HDAC8: variants seen among roughly 807,000 people sequenced by gnomAD.
The protein encoded by HDAC8 is histone deacetylase 8.
A neutral mutation model predicts 32.2 loss-of-function variants in HDAC8; 1 was observed. The observed-to-expected ratio is 0.03, with a 90% CI of 0.01 to 0.15. The LOEUF is 0.15. Ranked by LOEUF, HDAC8 falls within the 10% of genes least tolerant of loss-of-function variation. The pLI is 1.00. For synonymous variants in HDAC8, 108 were observed against 113.9 expected, an observed-to-expected ratio of 0.95 and a Z score of 0.33; for missense variants, 117 against 300.0, an observed-to-expected ratio of 0.39 and a Z score of 4.51.
intron 5 of HDAC8, among the ~76,000 whole-genome samples, chrX:72,491,392 G>T (rs2048866502): frequency 8.9e-6 from 1 of 112,316 alleles, no homozygotes; most frequent in African/African-American, 3.2e-5. Flanking sequence ...CTTACAAGTT[G>T]TATGTTTTGT....
At chrX:72,414,764 G>A (rs1050201279) in intron 9 of HDAC8, among the ~76,000 whole-genome samples, 1 of 111,757 alleles carries the variant, frequency 8.9e-6, no homozygotes, top group Non-Finnish European at 1.9e-5. Flanking sequence ...GAGAGCAGAA[G>A]GAGCCCAGTA....
intron 9 of HDAC8, among the ~76,000 whole-genome samples, chrX:72,439,062 G>C (rs1442121286): frequency 9.0e-6 from 1 of 111,649 alleles, no homozygotes; most frequent in African/African-American, 3.3e-5. Flanking sequence ...GGCAGCCAGA[G>C]AGAAAGGTCG....
At chrX:72,570,606 CA>C (rs200815195) in intron 2 of HDAC8, among the ~76,000 whole-genome samples, 317 of 48,017 alleles carry the variant, frequency 6.6e-3, no homozygotes, top group Middle Eastern at 0.016. Context: ...AAGACTCCAT[CA>C]AAAAAAAAAA....
chrX:72,537,640 T>C (rs987381431), intron 4 of HDAC8, among the ~76,000 whole-genome samples: 10 of 112,155 alleles, frequency 8.9e-5, no homozygotes, highest in African/African-American at 2.9e-4. Flanking sequence ...CAGAGGAGGC[T>C]GTCATAATCT....
At chrX:72,350,205 T>C (rs1479178746) in intron 10 of HDAC8, among the ~76,000 whole-genome samples, 1 of 109,726 alleles carries the variant, frequency 9.1e-6, no homozygotes, top group Admixed American at 9.7e-5. Flanking sequence ...TGAGAGGGAG[T>C]TAGCTTGAAA....
At chrX:72,570,814 T>A (rs1378239384) in intron 2 of HDAC8, among the ~76,000 whole-genome samples, 1 of 112,236 alleles carries the variant, frequency 8.9e-6, no homozygotes, top group East Asian at 2.8e-4. Flanking sequence ...TTTGCTCTTA[T>A]AACGACATCA....
chrX:72,568,007 C>T lies in HDAC8; in HGVS notation c.319G>A (p.Gly107Arg). The part of the protein sequence containing the change: ...GLGYDCPATE[G>R]IFDYAAAIGG... ...ATAGCTGCTGCATAGTCAAATATCC[C>T]TTCAGTGGCTGGGCAGTCATAACCT... The change falls in exon 4 of 11, where the codon GGG becomes AGG. Residue 107 changes from glycine to arginine, a missense_variant. Physicochemically the swap from Gly to Arg is moderately radical, Grantham distance 125. Transcript: ENST00000373573. 8.3e-7 allele frequency: 1 copy of T among 1,211,296 alleles called. No individual in the cohort carries two copies. The highest frequency in any genetic ancestry group is 1.1e-6 in the Non-Finnish European group (1 of 895,387).
At chrX:72,515,883 A>G (rs1556024750) in intron 4 of HDAC8, among the ~76,000 whole-genome samples, 1 of 112,237 alleles carries the variant, frequency 8.9e-6, no homozygotes, top group African/African-American at 3.2e-5. Flanking sequence ...ATCACTTTTT[A>G]AAAGTGCAGA....
chrX:72,566,185 G>A (rs145915874), intron 4 of HDAC8, among the ~76,000 whole-genome samples: 21 of 110,343 alleles, frequency 1.9e-4, no homozygotes, highest in Non-Finnish European at 3.4e-4. Flanking sequence ...GAGGCCAGGT[G>A]TGGTGGCACA....
intron 4 of HDAC8, among the ~76,000 whole-genome samples, chrX:72,506,579 A>T (rs1433736854): frequency 8.9e-6 from 1 of 111,825 alleles, no homozygotes; most frequent in Non-Finnish European, 1.9e-5. Flanking sequence ...TATTCATGAG[A>T]TATCTGCCTC....
chrX:72,389,568 G>A (rs185760254), intron 9 of HDAC8, among the ~76,000 whole-genome samples: 12 of 111,930 alleles, frequency 1.1e-4, no homozygotes, highest in Admixed American at 6.6e-4. Context: ...AATGAGGATC[G>A]CCATTTTAGG....
chrX:72,406,539 T>C (rs1471024961), intron 9 of HDAC8, among the ~76,000 whole-genome samples: 1 of 112,349 alleles, frequency 8.9e-6, no homozygotes, highest in East Asian at 2.8e-4. Context: ...CACAACTAGG[T>C]CTACTTTAAA....
At chrX:72,508,608 G>C (rs1406890600) in intron 4 of HDAC8, among the ~76,000 whole-genome samples, 5 of 112,170 alleles carry the variant, frequency 4.5e-5, no homozygotes, top group Non-Finnish European at 9.4e-5. Context: ...TGAGTCATGA[G>C]GGATCTACCC....
chrX:72,338,608 A>G (rs1555943509), intron 10 of HDAC8, among the ~76,000 whole-genome samples: 3 of 103,693 alleles, frequency 2.9e-5, no homozygotes, highest in Non-Finnish European at 5.9e-5. Context: ...ATGTTTTTAT[A>G]TCTACTTAAC....
At chrX:72,525,995 G>A (rs73500303) in intron 4 of HDAC8, among the ~76,000 whole-genome samples, 85 of 109,053 alleles carry the variant, frequency 7.8e-4, no homozygotes, top group African/African-American at 2.6e-3. Flanking sequence ...TACTTAAGAG[G>A]CTGTGGCAAA....
At chrX:72,513,342 T>C (rs2049659909) in intron 4 of HDAC8, among the ~76,000 whole-genome samples, 1 of 110,127 alleles carries the variant, frequency 9.1e-6, no homozygotes, top group Admixed American at 9.7e-5. Context: ...TTTTTTTTTT[T>C]TGAGACTGAG....
intron 4 of HDAC8, among the ~76,000 whole-genome samples, chrX:72,527,772 CTT>C (rs1157041190): frequency 1.0e-4 from 9 of 89,498 alleles, no homozygotes; most frequent in Admixed American, 2.5e-4. Flanking sequence ...TTTCTGACCT[CTT>C]TTTTTTTTTT....
chrX:72,453,460 A>AAAAGAAAGAAAGAAAG (rs1555988386), intron 9 of HDAC8, among the ~76,000 whole-genome samples: 30 of 43,487 alleles, frequency 6.9e-4, no homozygotes, highest in African/African-American at 2.2e-3. Flanking sequence ...CTGTCTCTTA[A>AAAAGAAAGAAAGAAAG]AAATAAAGAA....
chrX:72,371,153 A>G lies in HDAC8; in HGVS notation c.1006-19315T>C, dbSNP rs183073682. On this transcript the variant is annotated intron_variant, in intron 9 of 10. Coordinates refer to ENST00000373573, the MANE Select transcript of HDAC8 (RefSeq NM_018486.3). ...AAATATTTATCAGCTATGAAATGGT[A>G]TGATACCTGGGATCAGCTTTAAAAT... Among the ~76,000 whole-genome samples, 12 of 111,944 alleles carry G rather than the reference A, an allele frequency of 1.1e-4. No homozygotes were observed. In the Admixed American group the frequency reaches 1.1e-3, roughly 11 times the overall value.
Sources: gnomAD v4.1 joint callset for allele counts (sites outside exome capture counted in the v4.1 genomes callset) on GRCh38, gnomAD v4.1.1 for gene constraint, MANE v1.5 for transcripts, NCBI Gene and HGNC (gene_info 2026-07-23, HGNC 2026-07-21) for gene names.